ESYT3: variants seen among roughly 807,000 people sequenced by gnomAD.
ESYT3 encodes extended synaptotagmin-3.
A neutral mutation model predicts 111.5 loss-of-function variants in ESYT3; 101 were observed. The ratio of observed to expected loss-of-function variants is 0.91; its 90% CI spans 0.77 to 1.07. ESYT3 has a LOEUF of 1.07. Among genes scored for constraint, ESYT3 ranks in the 50% least tolerant of loss-of-function variants. ESYT3 has a pLI of 0.00. For synonymous variants in ESYT3, 416 were observed against 446.8 expected (o/e 0.93, Z 0.87); for missense variants, 1,097 against 1,109.4 (o/e 0.99, Z 0.16).
chr3:138,464,681 A>G (rs989140466), intron 9 of ESYT3, among the ~76,000 whole-genome samples, 166 bp downstream of exon 9: 1 of 152,206 alleles, frequency 6.6e-6, no homozygotes, highest in Non-Finnish European at 1.5e-5. Context: ...TGGCCCGACT[A>G]AAGGGCCAGC....
At chr3:138,471,780 A>G (rs1459007194) in intron 17 of ESYT3, among the ~76,000 whole-genome samples, 1 of 152,014 alleles carries the variant, frequency 6.6e-6, no homozygotes, top group Non-Finnish European at 1.5e-5. Context: ...ATTTTTGTGT[A>G]TATTTCTTAA....
chr3:138,436,329 G>A (rs2030685501), intron 1 of ESYT3, among the ~76,000 whole-genome samples: 1 of 152,098 alleles, frequency 6.6e-6, no homozygotes, highest in Middle Eastern at 3.2e-3. Flanking sequence ...TCTTCACACC[G>A]TCTTCCTTCT....
At chr3:138,445,077 G>A (rs2031440223) in intron 1 of ESYT3, among the ~76,000 whole-genome samples, 1 of 152,202 alleles carries the variant, frequency 6.6e-6, no homozygotes, top group Admixed American at 6.5e-5. Flanking sequence ...AAATCTCTGT[G>A]GGCCCTGACC....
chr3:138,463,437 A>G (rs1431911315), intron 8 of ESYT3, among the ~76,000 whole-genome samples: 1 of 152,218 alleles, frequency 6.6e-6, no homozygotes, highest in Non-Finnish European at 1.5e-5. Flanking sequence ...GGATCATGCT[A>G]TGACAGTGTA....
chr3:138,449,411 T>C (rs751056235), intron 1 of ESYT3, among the ~76,000 whole-genome samples: 26 of 152,106 alleles, frequency 1.7e-4, no homozygotes, highest in Admixed American at 3.3e-4. Context: ...TCAGGATGCA[T>C]GTGGGTCACC....
chr3:138,456,308 GACA>G (rs1335705946), intron 3 of ESYT3, among the ~76,000 whole-genome samples: 1 of 152,264 alleles, frequency 6.6e-6, no homozygotes, highest in African/African-American at 2.4e-5. Context: ...ACTGGTGGAT[GACA>G]ACGTGGCAGT....
chr3:138,458,980 G>C (rs2032458789), intron 4 of ESYT3, among the ~76,000 whole-genome samples: 1 of 152,142 alleles, frequency 6.6e-6, no homozygotes, highest in Admixed American at 6.5e-5. Context: ...GCCTCCTGGG[G>C]TCTGGGCTTG....
chr3:138,440,371 CT>C lies in ESYT3; in HGVS notation c.327+5249del, dbSNP rs2031057599. ...TACCTAGTGCTGAGAGCTTGACATT[CT>C]TTCTGTGGTTGGAGCAGCAGTCGTT... On this transcript the variant is annotated intron_variant, in intron 1 of 22. Transcript: ENST00000389567. This position sits in a 1 kb window ranked among gnomAD's most constrained non-coding sequence, Gnocchi z 4.2. Among the ~76,000 whole-genome samples, 1 of 152,234 alleles carries C rather than the reference CT, an allele frequency of 6.6e-6. No individual in the cohort carries two copies. Among genetic ancestry groups the C allele is most frequent in the Admixed American group, 6.5e-5 (1 of 15,288 alleles).
chr3:138,457,733 T>TC, intron 4 of ESYT3, 89 bp downstream of exon 4: 1 of 1,268,468 alleles, frequency 7.9e-7, no homozygotes, highest in Non-Finnish European at 1.1e-6. Flanking sequence ...ATATATATAC[T>TC]CTGACTTGGG....
intron 10 of ESYT3, among the ~76,000 whole-genome samples, chr3:138,466,977 A>G (rs2032959204): frequency 6.6e-6 from 1 of 152,142 alleles, no homozygotes; most frequent in Admixed American, 6.5e-5. Context: ...ATCTGCCCCC[A>G]TGACCCAAAC....
chr3:138,470,345 G>C (rs1560241486), intron 16 of ESYT3, 199 bp downstream of exon 16: 4 of 1,283,034 alleles, frequency 3.1e-6, no homozygotes, highest in Non-Finnish European at 2.0e-6. Context: ...AGGGGGATGT[G>C]GGAGGATAAA....
intron 6 of ESYT3, 107 bp downstream of exon 6, chr3:138,460,141 C>G: frequency 1.1e-6 from 1 of 940,464 alleles, no homozygotes. Context: ...TGTCCCAGCC[C>G]ACTGAGACCT....
intron 2 of ESYT3, among the ~76,000 whole-genome samples, chr3:138,453,963 G>A (rs532057960): frequency 6.6e-6 from 1 of 152,288 alleles, no homozygotes; most frequent in Non-Finnish European, 1.5e-5. Flanking sequence ...TTGTGACCCC[G>A]CTGTGTGCTA....
chr3:138,467,595 AGAGTGGTGGAT>A lies in ESYT3; in HGVS notation c.1208_1218del (p.Asp405CysfsTer4). 6.2e-7 allele frequency: 1 copy of A among 1,614,066 alleles called. No homozygotes were observed. Among genetic ancestry groups the A allele is most frequent in the Non-Finnish European group, 8.5e-7 (1 of 1,179,978 alleles). ...CTGCCTTGGAGATGTCATGACCAAC[AGAGTGGTGGAT>A]GAGGTACAGTTGGTGCTTGCAACCC... On this transcript the variant is annotated frameshift_variant, in exon 11 of 23. Coordinates refer to ENST00000389567, the MANE Select transcript of ESYT3 (RefSeq NM_031913.5). LOFTEE classifies it high-confidence loss of function.
intron 2 of ESYT3, among the ~76,000 whole-genome samples, chr3:138,454,958 T>TG (rs1330044116): frequency 4.6e-5 from 7 of 152,194 alleles, no homozygotes; most frequent in Non-Finnish European, 7.3e-5. Flanking sequence ...CACCAAATCT[T>TG]GGGGTCCTGC....
chr3:138,472,975 C>G, intron 18 of ESYT3, 116 bp downstream of exon 18: 2 of 1,515,756 alleles, frequency 1.3e-6, no homozygotes, highest in Non-Finnish European at 1.8e-6. Context: ...CACAAAATAT[C>G]TTCCTAAGAG....
rs1264869978 is a variant in ESYT3 at position 138,435,095 on chromosome 3, C to G, written c.297C>G (p.Arg99=). 1 of 1,589,334 alleles carries G rather than the reference C, an allele frequency of 6.3e-7. No homozygotes were observed. The highest frequency in any genetic ancestry group is 1.3e-5 in the African/African-American group (1 of 74,734). Residue 99 remains arginine (R), a synonymous_variant, in exon 1 of 23, where the codon CGC becomes CGG. Transcript: ENST00000389567. This position sits in a 1 kb window ranked among gnomAD's most constrained non-coding sequence, Gnocchi z 4.8. ...FLDNEREFIS[R]ELRGQHLPAW... is the part of the protein sequence containing the mutation. ...ACAATGAACGCGAGTTCATCAGCCG[C>G]GAGCTGCGGGGCCAGCACCTGCCAG...
intron 14 of ESYT3, chr3:138,469,226 C>T (rs1263608681): frequency 5.0e-6 from 3 of 598,436 alleles, no homozygotes; most frequent in East Asian, 2.8e-5. Context: ...GGTCTTTTAA[C>T]TTGGAACTGC....
intron 2 of ESYT3, among the ~76,000 whole-genome samples, chr3:138,454,436 T>C (rs2032143436): frequency 6.6e-6 from 1 of 152,062 alleles, no homozygotes; most frequent in African/African-American, 2.4e-5. Context: ...CAGGTACCTG[T>C]AATCTCAGCT....
Sources: gnomAD v4.1 joint callset for allele counts (sites outside exome capture counted in the v4.1 genomes callset) on GRCh38, gnomAD v4.1.1 for gene constraint, Gnocchi (gnomAD v3.1) non-coding constraint, MANE v1.5 for transcripts, NCBI Gene and HGNC (gene_info 2026-07-23, HGNC 2026-07-21) for gene names.